ZMAT4: variants seen among roughly 807,000 people sequenced by gnomAD.
ZMAT4 encodes zinc finger matrin-type 4.
ZMAT4 carries 17 observed loss-of-function variants against 28.7 expected under a neutral mutation model. The ratio of observed to expected loss-of-function variants is 0.59; its 90% CI spans 0.41 to 0.89. The LOEUF (loss-of-function observed/expected upper bound fraction) is 0.89. Among genes scored for constraint, ZMAT4 ranks in the 40% least tolerant of loss-of-function variants. ZMAT4 has a pLI of 0.00. For synonymous variants in ZMAT4, 117 were observed against 109.2 expected (o/e 1.07, Z -0.44); for missense variants, 240 against 283.8 (o/e 0.85, Z 1.11).
chr8:40,617,313 T>C (rs184667339), intron 5 of ZMAT4, among the ~76,000 whole-genome samples: 39 of 152,286 alleles, frequency 2.6e-4, no homozygotes, highest in African/African-American at 9.1e-4. Context: ...AATACACATT[T>C]CGGGGTCCCT....
intron 5 of ZMAT4, among the ~76,000 whole-genome samples, chr8:40,632,047 G>A (rs1806604112): frequency 6.6e-6 from 1 of 152,124 alleles, no homozygotes; most frequent in South Asian, 2.1e-4. Flanking sequence ...ACAACCACAG[G>A]GAGCCTTTCC....
intron 1 of ZMAT4, among the ~76,000 whole-genome samples, chr8:40,852,109 C>A (rs2150636213): frequency 6.6e-6 from 1 of 152,186 alleles, no homozygotes; most frequent in African/African-American, 2.4e-5. Context: ...TAGTCTTGAA[C>A]TCCTGACCTC....
intron 1 of ZMAT4, among the ~76,000 whole-genome samples, chr8:40,894,615 G>C (rs1818806542): frequency 1.3e-5 from 2 of 152,110 alleles, no homozygotes; most frequent in African/African-American, 4.8e-5. Flanking sequence ...AGAGTGTGGT[G>C]AATACATTTC....
chr8:40,580,518 A>C (rs1804427956), intron 6 of ZMAT4, among the ~76,000 whole-genome samples: 1 of 152,176 alleles, frequency 6.6e-6, no homozygotes, highest in Non-Finnish European at 1.5e-5. Context: ...CTTTTTTCAT[A>C]TTTTATTAGC....
chr8:40,732,867 TG>T (rs1285014176), intron 3 of ZMAT4, among the ~76,000 whole-genome samples: 3 of 131,006 alleles, frequency 2.3e-5, no homozygotes, highest in African/African-American at 8.7e-5. Flanking sequence ...TTTTTTGAGT[TG>T]GGGGTTTAGC....
chr8:40,548,224 A>G (rs1803262182), intron 6 of ZMAT4, among the ~76,000 whole-genome samples: 1 of 152,148 alleles, frequency 6.6e-6, no homozygotes, highest in Non-Finnish European at 1.5e-5. Flanking sequence ...ATGGAAAACC[A>G]TTTGTTTATT....
chr8:40,744,212 C>G (rs1016254414), intron 3 of ZMAT4, among the ~76,000 whole-genome samples: 14 of 152,176 alleles, frequency 9.2e-5, no homozygotes, highest in African/African-American at 2.7e-4. Context: ...GCAGAAGAGA[C>G]TGCTTCACAG....
intron 3 of ZMAT4, among the ~76,000 whole-genome samples, chr8:40,757,488 A>T (rs747261292): frequency 1.3e-5 from 2 of 152,000 alleles, no homozygotes; most frequent in African/African-American, 4.8e-5. Context: ...TGGGAGGCTG[A>T]GGCAGGAGAA....
At chr8:40,549,634 G>C (rs1198142166) in intron 6 of ZMAT4, among the ~76,000 whole-genome samples, 1 of 152,024 alleles carries the variant, frequency 6.6e-6, no homozygotes, top group Non-Finnish European at 1.5e-5. Flanking sequence ...TACTTTTTTA[G>C]CTTCCACATT....
intron 3 of ZMAT4, among the ~76,000 whole-genome samples, chr8:40,729,033 G>A (rs1399169180): frequency 1.3e-5 from 2 of 152,154 alleles, no homozygotes; most frequent in African/African-American, 4.8e-5. Flanking sequence ...TCCCATTGAG[G>A]AACAGTATTC....
At chr8:40,615,161 A>T (rs899088719) in intron 5 of ZMAT4, among the ~76,000 whole-genome samples, 3 of 152,022 alleles carry the variant, frequency 2.0e-5, no homozygotes, top group Non-Finnish European at 4.4e-5. Context: ...TCTGTAAAGT[A>T]TTTTATTTCT....
chr8:40,674,104 T>TA lies in ZMAT4; in HGVS notation c.577+599dup, dbSNP rs774801799. Among the ~76,000 whole-genome samples the TA allele has an allele frequency of 2.2e-4, 19 of 87,314 alleles. No homozygotes were observed. The South Asian group carries it at 2.5e-3, about 12-fold the overall frequency. The allele number at this position is 87,314 out of a possible 152,430, so 57.3% of individuals were successfully genotyped here. A position where few individuals can be genotyped will look rare whatever the true frequency, so the allele number is the denominator to read the frequency against. ...TCTTTTTTTTTTTTTTTTTTTTTTT[T>TA]AAATTTTTGAGACAGAGTCTCACTC... is the stretch of plus-strand genomic sequence containing the variant. On this transcript the variant is annotated intron_variant, in intron 5 of 6. Transcript: ENST00000297737.
intron 5 of ZMAT4, among the ~76,000 whole-genome samples, chr8:40,661,775 T>C (rs1053477695): frequency 2.6e-5 from 4 of 152,202 alleles, no homozygotes; most frequent in African/African-American, 7.2e-5. Context: ...TAGAACCTTA[T>C]GAAACCACTA....
chr8:40,704,339 T>A lies in ZMAT4; in HGVS notation c.193-6938A>T, dbSNP rs116172363. ...TAACGTTATCTCCCACTGTTCTCTC[T>A]CATGCATCCCTTTCCACTCCATTTG... is the stretch of plus-strand genomic sequence containing the variant. On this transcript the variant is annotated intron_variant, in intron 3 of 6. Coordinates refer to ENST00000297737, the MANE Select transcript of ZMAT4 (RefSeq NM_024645.3). 1.4e-3 allele frequency among the ~76,000 whole-genome samples: 207 copies of A among 152,328 alleles called. 1 individual carries two copies. The highest frequency in any genetic ancestry group is 4.7e-3 in the African/African-American group (196 of 41,580).
intron 2 of ZMAT4, among the ~76,000 whole-genome samples, chr8:40,771,291 T>G (rs1813379715): frequency 6.6e-6 from 1 of 150,978 alleles, no homozygotes. Flanking sequence ...ATACTATGAT[T>G]ACAATTACAC....
intron 5 of ZMAT4, among the ~76,000 whole-genome samples, chr8:40,661,112 T>A (rs769838308): frequency 6.6e-6 from 1 of 152,152 alleles, no homozygotes; most frequent in South Asian, 2.1e-4. Flanking sequence ...TGGCTTTTTG[T>A]TTTTTTGATA....
At chr8:40,832,950 C>T (rs1025193382) in intron 1 of ZMAT4, among the ~76,000 whole-genome samples, 2 of 152,182 alleles carry the variant, frequency 1.3e-5, no homozygotes, top group African/African-American at 4.8e-5. Flanking sequence ...GAACCTTAAA[C>T]CCATATTTGG....
At chr8:40,820,698 T>C (rs1022474325) in intron 2 of ZMAT4, among the ~76,000 whole-genome samples, 8 of 128,496 alleles carry the variant, frequency 6.2e-5, no homozygotes, top group Non-Finnish European at 1.3e-4. Flanking sequence ...TCTATGTATA[T>C]GTTTATGTGT....
At chr8:40,691,225 C>T (rs946812708) in intron 4 of ZMAT4, among the ~76,000 whole-genome samples, 3 of 152,090 alleles carry the variant, frequency 2.0e-5, no homozygotes, top group African/African-American at 7.2e-5. Flanking sequence ...AACTCACCAC[C>T]AATGGCACTG....
Sources: gnomAD v4.1 joint callset for allele counts (sites outside exome capture counted in the v4.1 genomes callset) on GRCh38, gnomAD v4.1.1 for gene constraint, MANE v1.5 for transcripts, NCBI Gene and HGNC (gene_info 2026-07-23, HGNC 2026-07-21) for gene names.